The following RPTOR variants were observed in gnomAD, a reference collection of about 807,000 sequenced individuals.
RPTOR encodes the protein regulatory associated protein of MTOR complex 1.
RPTOR carries 21 observed loss-of-function variants against 169.9 expected under a neutral mutation model. The ratio of observed to expected loss-of-function variants is 0.12; its 90% CI spans 0.09 to 0.18. The LOEUF is 0.18. RPTOR is among the 10% of genes least tolerant of loss of function. The probability of loss-of-function intolerance (pLI) is 1.00; values close to 1 mark genes in which losing one functional copy is unlikely to be tolerated. For synonymous variants in RPTOR, 732 were observed against 753.2 expected, an observed-to-expected ratio of 0.97 and a Z score of 0.46; for missense variants, 1,133 against 1,855.9, an observed-to-expected ratio of 0.61 and a Z score of 7.16.
chr17:80,912,900 C>T (rs911540679), intron 21 of RPTOR, among the ~76,000 whole-genome samples: 1 of 152,162 alleles, frequency 6.6e-6, no homozygotes, highest in South Asian at 2.1e-4. Flanking sequence ...GGCCATCACT[C>T]CAGCAGACAT....
intron 13 of RPTOR, among the ~76,000 whole-genome samples, chr17:80,858,728 G>C (rs1226873165): frequency 6.6e-6 from 1 of 152,132 alleles, no homozygotes; most frequent in Non-Finnish European, 1.5e-5. Flanking sequence ...GTCGGGCGGG[G>C]GTCCAAACAT....
At chr17:80,663,084 T>C (rs1419306045) in intron 3 of RPTOR, among the ~76,000 whole-genome samples, 1 of 152,188 alleles carries the variant, frequency 6.6e-6, no homozygotes, top group Non-Finnish European at 1.5e-5. Flanking sequence ...ATTCTTTTGC[T>C]CTTGCGTTTG....
At chr17:80,868,287 C>G (rs1367767967) in intron 13 of RPTOR, among the ~76,000 whole-genome samples, 1 of 152,174 alleles carries the variant, frequency 6.6e-6, no homozygotes, top group Non-Finnish European at 1.5e-5. Context: ...TGAGCAGACA[C>G]TTCACCAAAG....
intron 3 of RPTOR, among the ~76,000 whole-genome samples, chr17:80,655,068 G>T (rs1487674256): frequency 6.6e-6 from 1 of 152,192 alleles, no homozygotes; most frequent in Admixed American, 6.5e-5. Flanking sequence ...GTTGTAGGAA[G>T]ATCTCTAAAA....
chr17:80,842,493 A>T (rs2067682410), intron 10 of RPTOR, among the ~76,000 whole-genome samples: 1 of 152,068 alleles, frequency 6.6e-6, no homozygotes, highest in East Asian at 1.9e-4. Context: ...GCTTTAACAG[A>T]TGGTGCCAGA....
At chr17:80,833,825 A>T (rs1248308628) in intron 9 of RPTOR, among the ~76,000 whole-genome samples, 1 of 152,164 alleles carries the variant, frequency 6.6e-6, no homozygotes, top group Non-Finnish European at 1.5e-5. Context: ...CCCCGTCTCT[A>T]CTAAAAATAC....
At chr17:80,743,765 TCTCCTG>T (rs2066513816) in intron 5 of RPTOR, among the ~76,000 whole-genome samples, 4 of 77,758 alleles carry the variant, frequency 5.1e-5, no homozygotes, top group African/African-American at 1.9e-4. Flanking sequence ...CTACTAGCAC[TCTCCTG>T]GTTACTAGCA....
chr17:80,570,680 C>T (rs1015236007), intron 1 of RPTOR, among the ~76,000 whole-genome samples: 1 of 152,090 alleles, frequency 6.6e-6, no homozygotes, highest in Non-Finnish European at 1.5e-5. Context: ...AGGCTGGTCT[C>T]AAACTCCTGA....
chr17:80,567,270 C>T (rs2064853672), intron 1 of RPTOR, among the ~76,000 whole-genome samples: 1 of 151,198 alleles, frequency 6.6e-6, no homozygotes, highest in African/African-American at 2.5e-5. Context: ...CATGCCCAAC[C>T]TATACCTTTT....
chr17:80,733,621 A>G (rs1009391495), intron 5 of RPTOR, among the ~76,000 whole-genome samples: 3 of 152,214 alleles, frequency 2.0e-5, no homozygotes, highest in Admixed American at 1.3e-4. Flanking sequence ...CCAAGAACAG[A>G]GCTGCCATTA....
chr17:80,880,132 G>C (rs1157016819), intron 13 of RPTOR, among the ~76,000 whole-genome samples: 1 of 152,196 alleles, frequency 6.6e-6, no homozygotes, highest in Admixed American at 6.5e-5. Flanking sequence ...GGTGCAGGCA[G>C]GGGCTGCAGG....
chr17:80,718,058 A>T (rs1215584744), intron 4 of RPTOR, among the ~76,000 whole-genome samples: 1 of 152,084 alleles, frequency 6.6e-6, no homozygotes, highest in African/African-American at 2.4e-5. Flanking sequence ...TTAGAGTTCC[A>T]TTGTGACCAG....
chr17:80,826,944 C>T (rs1412439367), intron 9 of RPTOR, among the ~76,000 whole-genome samples: 2 of 152,346 alleles, frequency 1.3e-5, no homozygotes, highest in Admixed American at 1.3e-4. Flanking sequence ...CACACCTGGG[C>T]ACGCATCTGC....
At chr17:80,701,695 C>T (rs1423434329) in intron 3 of RPTOR, among the ~76,000 whole-genome samples, 1 of 152,190 alleles carries the variant, frequency 6.6e-6, no homozygotes, top group Non-Finnish European at 1.5e-5. Context: ...ACTTGACCTG[C>T]TATTCATTGC....
intron 3 of RPTOR, among the ~76,000 whole-genome samples, chr17:80,662,071 A>G (rs1005110772): frequency 1.3e-5 from 2 of 152,170 alleles, no homozygotes; most frequent in African/African-American, 4.8e-5. Context: ...ATGTGTAGTA[A>G]AATGCGTAGA....
rs2065238428 is a variant in RPTOR, at chr17:80,607,602, TATA to T, written c.163-18088_163-18086del. 4.6e-4 allele frequency among the ~76,000 whole-genome samples: 5 copies of T among 10,826 alleles called. No individual in the cohort carries two copies. In the African/African-American group the frequency reaches 0.01, roughly 22 times the overall value. The allele number at this position is 10,826 out of a possible 152,430, so 7.1% of individuals were successfully genotyped here. A position where few individuals can be genotyped will look rare whatever the true frequency, so the allele number is the denominator to read the frequency against. The stretch of plus-strand genomic sequence containing the variant: ...CATATATGTGTATATATGCCATTTA[TATA>T]TATATATATATATAATTATTTTTAA... On this transcript the variant is annotated intron_variant, in intron 1 of 33. Coordinates refer to ENST00000306801, the MANE Select transcript of RPTOR (RefSeq NM_020761.3).
At chr17:80,791,174 CCT>C (rs1300724142) in intron 6 of RPTOR, among the ~76,000 whole-genome samples, 9 of 152,192 alleles carry the variant, frequency 5.9e-5, no homozygotes, top group African/African-American at 2.2e-4. Context: ...TCTCGGCGCT[CCT>C]CTCCAGGGAC....
rs114917635 is a variant in RPTOR at position 80,750,538 on chromosome 17, G to A, written c.655-3472G>A. ...GTCAGCACTTCCTCATAGCCTTCCC[G>A]TGCCCTCCCAGCACCAGGCACACAT... On this transcript the variant is annotated intron_variant, in intron 5 of 33. Transcript: ENST00000306801. Among the ~76,000 whole-genome samples, 210 of 152,104 alleles carry A rather than the reference G, an allele frequency of 1.4e-3. 1 individual carries two copies. Among genetic ancestry groups the A allele is most frequent in the African/African-American group, 4.8e-3 (198 of 41,492 alleles).
chr17:80,895,995 G>GC (rs1331603906), intron 20 of RPTOR, among the ~76,000 whole-genome samples: 3 of 152,108 alleles, frequency 2.0e-5, no homozygotes, highest in African/African-American at 7.2e-5. Flanking sequence ...TTTTTATGAT[G>GC]CCTTTGGTGC....
Sources: gnomAD v4.1 joint callset for allele counts (sites outside exome capture counted in the v4.1 genomes callset) on GRCh38, gnomAD v4.1.1 for gene constraint, MANE v1.5 for transcripts, NCBI Gene and HGNC (gene_info 2026-07-23, HGNC 2026-07-21) for gene names.